Variants in RAB11FIP1 observed in about 807,000 individuals in gnomAD.
RAB11FIP1 encodes rab11 family-interacting protein 1.
In RAB11FIP1, 49 loss-of-function variants were observed where a neutral mutation model predicts 83.1. The ratio of observed to expected loss-of-function variants is 0.59; its 90% CI spans 0.47 to 0.75. The LOEUF (loss-of-function observed/expected upper bound fraction) is 0.75. Ranked by LOEUF, RAB11FIP1 falls within the 30% of genes least tolerant of loss-of-function variation. The probability of loss-of-function intolerance (pLI) is 0.00; values close to 1 mark genes in which losing one functional copy is unlikely to be tolerated. For missense variants in RAB11FIP1, 1,536 were observed against 1,598.7 expected (o/e 0.96, Z 0.67); for synonymous variants, 670 against 656.0 (o/e 1.02, Z -0.33).
chr8:37,873,379 C>T lies in RAB11FIP1; in HGVS notation c.1623-200G>A, dbSNP rs941935874. ...CAGCACTGTGGGAGGCCGAGGCAGG[C>T]GGATCACCTGAAGTCAGGAGTTCAA... On this transcript the variant is annotated intron_variant, in intron 3 of 5. Coordinates refer to ENST00000330843, the MANE Select transcript of RAB11FIP1 (RefSeq NM_001002814.3). The T allele has an allele frequency of 1.1e-4, 57 of 503,624 alleles. No homozygotes were observed. The Admixed American group carries it at 1.9e-3, about 17-fold the overall frequency. 31.2% of individuals were successfully genotyped at this position (503,624 alleles called of 1,614,324 possible).
At chr8:37,868,577 C>T (rs1273984634) in intron 5 of RAB11FIP1, among the ~76,000 whole-genome samples, 1 of 152,204 alleles carries the variant, frequency 6.6e-6, no homozygotes, top group African/African-American at 2.4e-5. Flanking sequence ...GGAAGTCCCT[C>T]TCTACATATT....
chr8:37,886,863 G>C (rs1806845601), intron 1 of RAB11FIP1, among the ~76,000 whole-genome samples: 1 of 152,226 alleles, frequency 6.6e-6, no homozygotes, highest in Admixed American at 6.5e-5. Context: ...CTGAAAAGGA[G>C]TGATTGCATA....
intron 2 of RAB11FIP1, among the ~76,000 whole-genome samples, chr8:37,876,739 C>G (rs1218840474): frequency 6.6e-6 from 1 of 151,566 alleles, no homozygotes; most frequent in Non-Finnish European, 1.5e-5. Flanking sequence ...TTCCTGAGCT[C>G]AAGCAATCCT....
rs1253736076 is a variant in RAB11FIP1 at position 37,866,130 on chromosome 8, T to C, written c.3634-3017A>G. Among the ~76,000 whole-genome samples, 14 of 151,842 alleles carry C rather than the reference T, an allele frequency of 9.2e-5. 1 individual carries two copies. The highest frequency in any genetic ancestry group is 9.2e-4 in the Admixed American group (14 of 15,238). On this transcript the variant is annotated intron_variant, in intron 5 of 5. Coordinates refer to ENST00000330843, the MANE Select transcript of RAB11FIP1 (RefSeq NM_001002814.3). ...GTGGGCGGATCATGAGGTCAGGAGTTTGAGACCAACCTGGCCAACATGGTG... is the reference window on the plus strand; with the variant it reads ...GTGGGCGGATCATGAGGTCAGGAGTCTGAGACCAACCTGGCCAACATGGTG...
intron 3 of RAB11FIP1, 47 bp downstream of exon 3, chr8:37,874,468 C>T: frequency 6.6e-7 from 1 of 1,506,782 alleles, no homozygotes; most frequent in Non-Finnish European, 9.2e-7. Flanking sequence ...CTGAAAACCA[C>T]CAATGGCAAG....
At chr8:37,898,120 G>C (rs71515732) in intron 1 of RAB11FIP1, among the ~76,000 whole-genome samples, 3,591 of 152,338 alleles carry the variant, frequency 0.024, 58 homozygotes, top group Admixed American at 0.039. Context: ...TACCACCCTA[G>C]TAAGAAGAAG....
chr8:37,896,402 C>T (rs987085742), intron 1 of RAB11FIP1, among the ~76,000 whole-genome samples: 2 of 152,042 alleles, frequency 1.3e-5, no homozygotes, highest in East Asian at 3.9e-4. Context: ...ACCCTTGGCA[C>T]CTTGGAAAGT....
In RAB11FIP1 at chr8:37,859,472, C is replaced by A. The variant is rs1031313685; in HGVS notation, c.*3423G>T. 7.9e-5 allele frequency: 12 copies of A among 152,216 alleles called. No homozygotes were observed. The highest frequency in any genetic ancestry group is 2.7e-4 in the African/African-American group (11 of 41,418). The allele number at this position is 152,216 out of a possible 1,614,324, so 9.4% of individuals were successfully genotyped here. ...TCCTTCATACAGGCATATGCAGAGC[C>A]CTCACCAATCGGGGTCCACAGCTGT... On this transcript the variant is annotated 3_prime_UTR_variant, in exon 6 of 6. Coordinates refer to ENST00000330843, the MANE Select transcript of RAB11FIP1 (RefSeq NM_001002814.3).
In RAB11FIP1 at chr8:37,858,924, C is replaced by T. The variant is rs976221969; in HGVS notation, c.*3971G>A. Reference sequence around the variant, plus strand: ...AAGACAAAATAAATTTTTATTGCACCCATACCAAACTACAGACACAAATCT... The same window carrying T: ...AAGACAAAATAAATTTTTATTGCACTCATACCAAACTACAGACACAAATCT... On this transcript the variant is annotated 3_prime_UTR_variant, in exon 6 of 6. Transcript: ENST00000330843. The T allele has an allele frequency of 6.6e-6, 1 of 151,976 alleles. No homozygotes were observed. The highest frequency in any genetic ancestry group is 1.5e-5 in the Non-Finnish European group (1 of 68,002). 9.4% of individuals were successfully genotyped at this position (151,976 alleles called of 1,614,324 possible).
rs770895906 is a variant in RAB11FIP1, at chr8:37,877,169, C to A, written c.754G>T (p.Asp252Tyr). Residue 252 changes from aspartate to tyrosine, a missense_variant, in exon 2 of 6, where the codon GAC becomes TAC. By Grantham distance (160) the Asp-to-Tyr change is radical. Transcript: ENST00000330843. ...TCTTCATCCCACTGGGACTGAAAGT[C>A]TCCGGGACGAAGCAGCACTTTTTCT... ...KPEKVLLRPGDFQSQWDEDDN... is the reference protein window; with the variant it reads ...KPEKVLLRPGYFQSQWDEDDN... The A allele has an allele frequency of 1.2e-6, 2 of 1,614,030 alleles. No homozygotes were observed. The highest frequency in any genetic ancestry group is 4.5e-5 in the East Asian group (2 of 44,876).
intron 1 of RAB11FIP1, among the ~76,000 whole-genome samples, chr8:37,895,071 T>G (rs995090742): frequency 2.2e-5 from 3 of 133,478 alleles, no homozygotes; most frequent in Non-Finnish European, 4.9e-5. Flanking sequence ...TATATATATG[T>G]TTTTTTTTTT....
Position 37,875,250 on chromosome 8 carries a change from T to G in RAB11FIP1, c.887A>C (p.Lys296Thr). The G allele has an allele frequency of 6.2e-7, 1 of 1,613,956 alleles. No individual in the cohort carries two copies. The highest frequency in any genetic ancestry group is 8.5e-7 in the Non-Finnish European group (1 of 1,179,884). The change falls in exon 3 of 6, where the codon AAG (lysine) becomes ACG (threonine). Residue 296 changes from lysine (K) to threonine (T), a missense_variant. Lys to Thr is a moderately conservative substitution (Grantham distance 78, BLOSUM62 -1). Transcript: ENST00000330843. Reference sequence around the variant, plus strand: ...GCCACCAAGAAAGGAAAGTCCTTCCTTCTTGGGAAGGGTAAAGTTGACCTG... The same window carrying G: ...GCCACCAAGAAAGGAAAGTCCTTCCGTCTTGGGAAGGGTAAAGTTGACCTG... ...LNQVNFTLPK[K>T]EGLSFLGGLR...
chr8:37,892,285 C>T (rs756453024), intron 1 of RAB11FIP1, among the ~76,000 whole-genome samples: 12 of 152,150 alleles, frequency 7.9e-5, no homozygotes, highest in Non-Finnish European at 1.5e-4. Context: ...CACCACCATC[C>T]ACCATCTAGA....
rs1349010343 is a variant in RAB11FIP1, at chr8:37,862,976, G to T, written c.3771C>A (p.Asn1257Lys). Residue 1257 changes from asparagine to lysine, a missense_variant, in exon 6 of 6, where the codon AAC (asparagine) becomes AAA (lysine). Asn to Lys is a moderately conservative substitution (Grantham distance 94, BLOSUM62 0). Transcript: ENST00000330843. ...QVRELEDYID[N>K]LLVRVMEETP... is the part of the protein sequence containing the mutation. The stretch of plus-strand genomic sequence containing the variant: ...TTTCTTCCATGACCCTGACAAGCAG[G>T]TTGTCAATGTAGTCTTCCAGCTCGC... 1.2e-6 allele frequency: 2 copies of T among 1,613,978 alleles called. No individual in the cohort carries two copies. The highest frequency in any genetic ancestry group is 1.1e-5 in the South Asian group (1 of 91,076).
At position 37,861,534 on chromosome 8, in the gene RAB11FIP1, G is replaced by A; in HGVS notation, c.*1361C>T. 2 of 443,428 alleles carry A rather than the reference G, an allele frequency of 4.5e-6. No individual in the cohort carries two copies. The highest frequency in any genetic ancestry group is 8.9e-6 in the Non-Finnish European group (2 of 223,906). 27.5% of individuals were successfully genotyped at this position (443,428 alleles called of 1,614,324 possible). ...CATGGTCTCCTGTCCCCTGTAGAGT[G>A]AAGGGGCTTCTTTTTTTCTTTTTAG... is the stretch of plus-strand genomic sequence containing the variant. On this transcript the variant is annotated 3_prime_UTR_variant, in exon 6 of 6. Coordinates refer to ENST00000330843, the MANE Select transcript of RAB11FIP1 (RefSeq NM_001002814.3).
At chr8:37,894,260 G>C (rs1037894961) in intron 1 of RAB11FIP1, among the ~76,000 whole-genome samples, 1 of 152,122 alleles carries the variant, frequency 6.6e-6, no homozygotes, top group Non-Finnish European at 1.5e-5. Context: ...CTTATAATTT[G>C]TGGATTATGG....
At position 37,872,992 on chromosome 8, in the gene RAB11FIP1, C is replaced by T. The variant is rs774966079; in HGVS notation, c.1810G>A (p.Ala604Thr). Residue 604 changes from alanine (A) to threonine (T), a missense_variant, in exon 4 of 6, where the codon GCT becomes ACT. Coordinates refer to ENST00000330843, the MANE Select transcript of RAB11FIP1 (RefSeq NM_001002814.3). The part of the protein sequence containing the change: ...VFSSLSSPIA[A>T]PISTSTPIES... ...ATTGGAGTGGATGTGGAAATGGGAGCTGCTATGGGAGATGAGAGAGAGGAG... is the reference window on the plus strand; with the variant it reads ...ATTGGAGTGGATGTGGAAATGGGAGTTGCTATGGGAGATGAGAGAGAGGAG... 8 of 1,614,068 alleles carry T rather than the reference C, an allele frequency of 5.0e-6. No homozygotes were observed. Among genetic ancestry groups the T allele is most frequent in the Non-Finnish European group, 6.8e-6 (8 of 1,179,996 alleles).
At chr8:37,895,477 C>A (rs1807066801) in intron 1 of RAB11FIP1, among the ~76,000 whole-genome samples, 1 of 149,076 alleles carries the variant, frequency 6.7e-6, no homozygotes, top group African/African-American at 2.5e-5. Flanking sequence ...AGCAGAGAAT[C>A]CCTCATATTG....
chr8:37,864,741 G>T (rs1480981340), intron 5 of RAB11FIP1, among the ~76,000 whole-genome samples: 1 of 152,178 alleles, frequency 6.6e-6, no homozygotes, highest in Non-Finnish European at 1.5e-5. Context: ...ACACTGGACT[G>T]CTTTTCCAAA....
Sources: gnomAD v4.1 joint callset for allele counts (sites outside exome capture counted in the v4.1 genomes callset) on GRCh38, gnomAD v4.1.1 for gene constraint, MANE v1.5 for transcripts, NCBI Gene and HGNC (gene_info 2026-07-23, HGNC 2026-07-21) for gene names.